The following RIC1 variants were observed in gnomAD, a reference collection of about 807,000 sequenced individuals.
RIC1 encodes guanine nucleotide exchange factor subunit RIC1.
RIC1 carries 88 observed loss-of-function variants against 169.0 expected under a neutral mutation model. The ratio of observed to expected loss-of-function variants is 0.52; its 90% confidence interval spans 0.44 to 0.62. The LOEUF is 0.62. Ranked by LOEUF, RIC1 falls within the 20% of genes least tolerant of loss-of-function variation. RIC1 has a pLI of 0.00. For missense variants in RIC1, 1,877 were observed against 1,725.5 expected, an observed-to-expected ratio of 1.09 and a Z score of -1.56; for synonymous variants, 790 against 601.5, an observed-to-expected ratio of 1.31 and a Z score of -4.59.
intron 2 of RIC1, among the ~76,000 whole-genome samples, chr9:5,684,024 T>G (rs999549874): frequency 6.6e-6 from 1 of 152,074 alleles, no homozygotes; most frequent in African/African-American, 2.4e-5. Context: ...AGTGACTCGA[T>G]TTTCCTGGTG....
intron 6 of RIC1, among the ~76,000 whole-genome samples, chr9:5,727,403 C>CAATAAA (rs1452264821): frequency 2.0e-5 from 3 of 152,172 alleles, no homozygotes; most frequent in African/African-American, 7.2e-5. Flanking sequence ...CATTTTAGGT[C>CAATAAA]CTTGCTACGC....
chr9:5,684,587 G>A (rs1265367045), intron 2 of RIC1, among the ~76,000 whole-genome samples: 1 of 151,274 alleles, frequency 6.6e-6, no homozygotes, highest in Non-Finnish European at 1.5e-5. Flanking sequence ...TTCTATATTT[G>A]TCTTGTGTCC....
At chr9:5,739,847 A>T (rs1824960567) in intron 8 of RIC1, among the ~76,000 whole-genome samples, 1 of 140,036 alleles carries the variant, frequency 7.1e-6, no homozygotes, top group Admixed American at 7.3e-5. Context: ...CCCCTTTCCA[A>T]GTTGCAGGGT....
In RIC1 at chr9:5,630,464, G is replaced by A. The variant is rs1817665549; in HGVS notation, c.144+1011G>A. ...AGGTGTTCGTGAAATACTGGTTTTA[G>A]TTTGTTAAAATCCCCAAATCTTTGT... On this transcript the variant is annotated intron_variant, in intron 1 of 25. Transcript: ENST00000414202. 2.0e-5 allele frequency among the ~76,000 whole-genome samples: 3 copies of A among 152,174 alleles called. No individual in the cohort carries two copies. In the South Asian group the frequency reaches 6.2e-4, roughly 31 times the overall value.
intron 3 of RIC1, among the ~76,000 whole-genome samples, chr9:5,699,226 T>A (rs1397043309): frequency 6.6e-6 from 1 of 152,222 alleles, no homozygotes. Flanking sequence ...TCTCCCTATG[T>A]CTGTGTAGTA....
chr9:5,680,529 G>T (rs1023804506), intron 2 of RIC1, among the ~76,000 whole-genome samples: 12 of 152,070 alleles, frequency 7.9e-5, no homozygotes, highest in Admixed American at 7.2e-4. Context: ...GCCTGTTATT[G>T]GTCTATTCAG....
At chr9:5,721,719 C>A (rs1439616152) in intron 6 of RIC1, among the ~76,000 whole-genome samples, 1 of 152,120 alleles carries the variant, frequency 6.6e-6, no homozygotes, top group African/African-American at 2.4e-5. Flanking sequence ...AATTATTTTT[C>A]CTTTACTGCA....
chr9:5,635,172 G>A (rs1041037487), intron 1 of RIC1, among the ~76,000 whole-genome samples: 8 of 152,080 alleles, frequency 5.3e-5, no homozygotes, highest in African/African-American at 1.9e-4. Flanking sequence ...AAGAGATGTG[G>A]TCTTGCTGTG....
intron 17 of RIC1, among the ~76,000 whole-genome samples, chr9:5,759,525 A>G (rs887110507): frequency 2.0e-5 from 3 of 152,210 alleles, no homozygotes; most frequent in Non-Finnish European, 4.4e-5. Flanking sequence ...GATAATCACT[A>G]CCCTGCAGAA....
intron 3 of RIC1, chr9:5,712,794 C>T (rs1823011437): frequency 6.6e-6 from 1 of 152,178 alleles, no homozygotes; most frequent in African/African-American, 2.4e-5. Flanking sequence ...GTCCTTTTTA[C>T]AGGCTGTCAC....
At chr9:5,670,043 G>A (rs1459382727) in intron 2 of RIC1, among the ~76,000 whole-genome samples, 2 of 152,178 alleles carry the variant, frequency 1.3e-5, no homozygotes, top group African/African-American at 4.8e-5. Flanking sequence ...TTTGTCACTG[G>A]TTATGTGTTT....
intron 12 of RIC1, among the ~76,000 whole-genome samples, chr9:5,752,821 G>A (rs1334019465): frequency 6.6e-6 from 1 of 152,082 alleles, no homozygotes; most frequent in Non-Finnish European, 1.5e-5. Context: ...GGCTGTAATT[G>A]TATTAGATTA....
At chr9:5,690,198 T>C (rs1821512900) in intron 3 of RIC1, among the ~76,000 whole-genome samples, 160 bp downstream of exon 3, 1 of 152,160 alleles carries the variant, frequency 6.6e-6, no homozygotes, top group African/African-American at 2.4e-5. Flanking sequence ...CTGTCATTTC[T>C]TGAATAAAGA....
intron 7 of RIC1, 123 bp downstream of exon 7, chr9:5,732,602 A>G (rs916258857): frequency 7.6e-5 from 41 of 542,062 alleles, no homozygotes; most frequent in Non-Finnish European, 1.3e-4. Context: ...ATAATTTATC[A>G]GTCAACCTTA....
At chr9:5,711,317 AATT>A (rs1455461696) in intron 3 of RIC1, among the ~76,000 whole-genome samples, 1 of 152,072 alleles carries the variant, frequency 6.6e-6, no homozygotes, top group East Asian at 1.9e-4. Context: ...CATACTTTTT[AATT>A]ATTAAAGCAA....
intron 4 of RIC1, among the ~76,000 whole-genome samples, chr9:5,718,038 G>T (rs1183128018): frequency 6.7e-6 from 1 of 149,064 alleles, no homozygotes; most frequent in Admixed American, 6.8e-5. Context: ...TACTAGGGAG[G>T]CTGAGGCAGG....
chr9:5,693,617 C>G lies in RIC1; in HGVS notation c.332+3579C>G, dbSNP rs73392667. On this transcript the variant is annotated intron_variant, in intron 3 of 25. Coordinates refer to ENST00000414202, the MANE Select transcript of RIC1 (RefSeq NM_020829.4). ...GTTGTCTGGACATTTTATTTTATGG[C>G]TTGGAAATTTTAGTGAAATTAATGA... 6.1e-3 allele frequency among the ~76,000 whole-genome samples: 926 copies of G among 152,160 alleles called. 10 individuals are homozygous for G. Among genetic ancestry groups the G allele is most frequent in the African/African-American group, 0.021 (864 of 41,514 alleles).
chr9:5,637,150 A>G (rs1479873057), intron 1 of RIC1, among the ~76,000 whole-genome samples: 2 of 152,012 alleles, frequency 1.3e-5, no homozygotes, highest in South Asian at 2.1e-4. Context: ...ATCTCTGCCT[A>G]CTGGGCTCAA....
intron 3 of RIC1, among the ~76,000 whole-genome samples, chr9:5,706,255 C>G (rs146529014): frequency 0.037 from 5,695 of 152,152 alleles, 357 homozygotes; most frequent in African/African-American, 0.13. Context: ...GTCAGGAGAT[C>G]TAGACCATCC....
Sources: gnomAD v4.1 joint callset for allele counts (sites outside exome capture counted in the v4.1 genomes callset) on GRCh38, gnomAD v4.1.1 for gene constraint, MANE v1.5 for transcripts, NCBI Gene and HGNC (gene_info 2026-07-23, HGNC 2026-07-21) for gene names.